TBC1D21: variants seen among roughly 807,000 people sequenced by gnomAD.
The protein encoded by TBC1D21 is TBC1 domain family member 21, also known as male germ cell Rab GTPase-activating protein.
TBC1D21 carries 38 observed loss-of-function variants against 46.0 expected under a neutral mutation model. The observed-to-expected ratio is 0.83, with a 90% CI of 0.64 to 1.08. The LOEUF (loss-of-function observed/expected upper bound fraction) is 1.08, where lower values mean the gene tolerates loss of function less well. Among genes scored for constraint, TBC1D21 ranks in the 50% least tolerant of loss-of-function variants. The pLI, the probability that TBC1D21 is intolerant of heterozygous loss-of-function variation, is 0.00. For synonymous variants in TBC1D21, 151 were observed against 157.2 expected, an observed-to-expected ratio of 0.96 and a Z score of 0.29; for missense variants, 415 against 417.9, an observed-to-expected ratio of 0.99 and a Z score of 0.06.
At chr15:73,882,970 C>A (rs2068180745) in intron 3 of TBC1D21, among the ~76,000 whole-genome samples, 1 of 152,244 alleles carries the variant, frequency 6.6e-6, no homozygotes, top group Admixed American at 6.5e-5. Context: ...TTGCCTTTGT[C>A]TTGGGCCCTC....
At chr15:73,879,525 C>A (rs1448439057) in intron 1 of TBC1D21, among the ~76,000 whole-genome samples, 1 of 151,632 alleles carries the variant, frequency 6.6e-6, no homozygotes, top group African/African-American at 2.4e-5. Context: ...GCCTGTTTTG[C>A]CTTCTAATAC....
chr15:73,874,149 T>C (rs566098282), intron 1 of TBC1D21, among the ~76,000 whole-genome samples: 1 of 152,230 alleles, frequency 6.6e-6, no homozygotes, highest in African/African-American at 2.4e-5. Flanking sequence ...GTTTACAAGA[T>C]ACAGCTATTT....
At chr15:73,892,294 A>G (rs2068343529), downstream of TBC1D21, among the ~76,000 whole-genome samples, 1 of 152,190 alleles carries the variant, frequency 6.6e-6, no homozygotes, top group Non-Finnish European at 1.5e-5. Flanking sequence ...ACAAAACTTG[A>G]GACCCACCGA....
intron 8 of TBC1D21, 105 bp from the exon 9 acceptor site, chr15:73,887,515 C>T: frequency 2.2e-6 from 2 of 892,536 alleles, no homozygotes; most frequent in Non-Finnish European, 1.9e-6. Flanking sequence ...CAGCAAGGCC[C>T]AGGAATGGCT....
intron 10 of TBC1D21, among the ~76,000 whole-genome samples, chr15:73,888,760 C>A (rs1304424745): frequency 6.6e-6 from 1 of 151,188 alleles, no homozygotes; most frequent in Middle Eastern, 3.2e-3. Flanking sequence ...CTCATCAGAG[C>A]CTATCCTGAT....
chr15:73,900,622 A>G, the TBC1D21 span, among the ~76,000 whole-genome samples: 1 of 152,188 alleles, frequency 6.6e-6, no homozygotes, highest in Non-Finnish European at 1.5e-5. Context: ...CCAGGCACAA[A>G]GCCTGCATAC....
intron 7 of TBC1D21, 84 bp downstream of exon 7, chr15:73,886,258 T>G: frequency 1.6e-6 from 2 of 1,229,630 alleles, no homozygotes; most frequent in South Asian, 2.5e-5. Context: ...TCCCTAATCA[T>G]GGGGGGGCTG....
chr15:73,904,018 A>C, the TBC1D21 span, among the ~76,000 whole-genome samples: 2 of 152,216 alleles, frequency 1.3e-5, no homozygotes, highest in Non-Finnish European at 2.9e-5. Flanking sequence ...ACTGCACTCC[A>C]GCCTGGGCAA....
rs1466747413 is a variant in TBC1D21 at position 73,876,210 on chromosome 15, T to G, written c.60+2441T>G. Among the ~76,000 whole-genome samples, 104 of 29,976 alleles carry G rather than the reference T, an allele frequency of 3.5e-3. 9 individuals are homozygous for G. The highest frequency in any genetic ancestry group is 0.021 in the South Asian group (11 of 534). 19.7% of individuals were successfully genotyped at this position (29,976 alleles called of 152,430 possible). A position where few individuals can be genotyped will look rare whatever the true frequency, so the allele number is the denominator to read the frequency against. On this transcript the variant is annotated intron_variant, in intron 1 of 10. Transcript: ENST00000300504. ...GACTTTTTTTGTGGGTTTTTTTTTT[T>G]TTTTTTTTTTTTTTTTTTTTTTTTT...
the TBC1D21 span, among the ~76,000 whole-genome samples, chr15:73,896,212 G>T: frequency 6.6e-6 from 1 of 152,070 alleles, no homozygotes. Context: ...GATAGTGGAG[G>T]TGATACTGGA....
chr15:73,909,279 G>A, the TBC1D21 span, among the ~76,000 whole-genome samples: 1 of 152,170 alleles, frequency 6.6e-6, no homozygotes, highest in South Asian at 2.1e-4. Context: ...GGCTGAGGCA[G>A]GAGAATTGCT....
intron 1 of TBC1D21, among the ~76,000 whole-genome samples, chr15:73,877,531 A>G (rs1426378634): frequency 7.8e-6 from 1 of 128,320 alleles, no homozygotes; most frequent in African/African-American, 2.9e-5. Context: ...AAAAAAAAAA[A>G]AAAAAAAAAA....
At chr15:73,876,323 G>A (rs1214409710) in intron 1 of TBC1D21, among the ~76,000 whole-genome samples, 1 of 139,446 alleles carries the variant, frequency 7.2e-6, no homozygotes, top group African/African-American at 2.6e-5. Flanking sequence ...CGCCTCCTGG[G>A]TTCACGTCAT....
Position 73,887,735 on chromosome 15 carries a change from T to C in TBC1D21, c.893T>C (p.Leu298Pro). Residue 298 changes from leucine to proline, a missense_variant and splice_region_variant, in exon 9 of 11, where the codon CTG becomes CCG. Physicochemically the swap from Leu to Pro is moderately conservative, Grantham distance 98. Coordinates refer to ENST00000300504, the MANE Select transcript of TBC1D21 (RefSeq NM_153356.3). ...AGCATGGGCGGGGATGACATCCTCCTGGTGAGAGCACCCTCGGGCAAGCTA... is the reference window on the plus strand; with the variant it reads ...AGCATGGGCGGGGATGACATCCTCCCGGTGAGAGCACCCTCGGGCAAGCTA... ...QESMGGDDILLACNNLIDLDA... is the reference protein window; with the variant it reads ...QESMGGDDILPACNNLIDLDA... 6 of 1,612,898 alleles carry C rather than the reference T, an allele frequency of 3.7e-6. No individual in the cohort carries two copies. The highest frequency in any genetic ancestry group is 5.1e-6 in the Non-Finnish European group (6 of 1,179,382).
intron 1 of TBC1D21, among the ~76,000 whole-genome samples, chr15:73,878,475 T>A (rs1180469398): frequency 6.6e-6 from 1 of 152,230 alleles, no homozygotes; most frequent in African/African-American, 2.4e-5. Flanking sequence ...TAGAAGTACA[T>A]TGTATTTCTA....
chr15:73,907,873 C>T, the TBC1D21 span, among the ~76,000 whole-genome samples: 1 of 152,156 alleles, frequency 6.6e-6, no homozygotes, highest in African/African-American at 2.4e-5. Context: ...TATTGCCTGG[C>T]TCACAGGACT....
chr15:73,896,323 G>A, the TBC1D21 span, among the ~76,000 whole-genome samples: 4 of 69,050 alleles, frequency 5.8e-5, no homozygotes, highest in Non-Finnish European at 1.6e-4. Context: ...GTCATGGCGA[G>A]GAGGAAAATA....
At chr15:73,897,584 T>C in the TBC1D21 span, among the ~76,000 whole-genome samples, 2 of 152,012 alleles carry the variant, frequency 1.3e-5, no homozygotes, top group East Asian at 1.9e-4. Context: ...CAGAGGGCGC[T>C]CCTCCTCCTC....
downstream of TBC1D21, among the ~76,000 whole-genome samples, chr15:73,892,097 C>T (rs1283891086): frequency 1.3e-5 from 2 of 152,220 alleles, no homozygotes; most frequent in Non-Finnish European, 2.9e-5. Context: ...GCATGCACTT[C>T]CTCCCCTCTG....
Sources: allele counts gnomAD v4.1 joint callset (sites outside exome capture counted in the v4.1 genomes callset), GRCh38; gene constraint gnomAD v4.1.1; transcripts MANE v1.5; gene names NCBI Gene and HGNC (gene_info 2026-07-23, HGNC 2026-07-21).